MACF1: variants seen among roughly 807,000 people sequenced by gnomAD.
MACF1 encodes microtubule actin crosslinking factor 1.
A neutral mutation model predicts 854.8 loss-of-function variants in MACF1; 193 were observed. The ratio of observed to expected loss-of-function variants is 0.23; its 90% CI spans 0.20 to 0.25. MACF1 has a LOEUF of 0.25. Among genes scored for constraint, MACF1 ranks in the 10% least tolerant of loss-of-function variants. MACF1 has a pLI of 1.00. For synonymous variants in MACF1, 3,185 were observed against 3,226.7 expected, an observed-to-expected ratio of 0.99 and a Z score of 0.44; for missense variants, 7,722 against 8,929.1, an observed-to-expected ratio of 0.86 and a Z score of 5.45.
At chr1:39,104,163 C>A (rs1157182677) in intron 2 of MACF1, among the ~76,000 whole-genome samples, 1 of 152,152 alleles carries the variant, frequency 6.6e-6, no homozygotes, top group Non-Finnish European at 1.5e-5. Context: ...CCTCTCCAGA[C>A]CTCCTGAAAA....
chr1:39,453,902 T>G (rs564661674), intron 88 of MACF1, 52 bp downstream of exon 88: 1 of 1,531,032 alleles, frequency 6.5e-7, no homozygotes, highest in Non-Finnish European at 8.9e-7. Flanking sequence ...ACTATCACTA[T>G]AGTATAGTAT....
rs1333243658 is a variant in MACF1 at position 39,336,160 on chromosome 1, T to C, written c.9572T>C (p.Val3191Ala). The change falls in exon 37 of 101, where the codon GTT (valine) becomes GCT (alanine). Residue 3191 changes from valine to alanine, a missense_variant. This residue lies in a region of MACF1 where 854 missense variants were observed against 852.6 expected (regional missense o/e 1.00). Coordinates refer to ENST00000564288, the MANE Select transcript of MACF1 (RefSeq NM_001394062.1). ...ARGLKLEEIT[V>A]SRPDSKEVRY... ...GGTCTTAAATTGGAAGAAATCACAG[T>C]TTCTAGACCAGATTCAAAAGAAGTC... 16 of 1,614,058 alleles carry C rather than the reference T, an allele frequency of 9.9e-6. No individual in the cohort carries two copies. The Admixed American group carries it at 2.7e-4, about 27-fold the overall frequency.
At chr1:39,339,301 A>G (rs1001346836) in intron 38 of MACF1, among the ~76,000 whole-genome samples, 13 of 152,202 alleles carry the variant, frequency 8.5e-5, no homozygotes, top group African/African-American at 3.1e-4. Context: ...CATTTAAAGG[A>G]CCAACAAAGA....
intron 58 of MACF1, among the ~76,000 whole-genome samples, chr1:39,416,562 A>C (rs1268391035): frequency 6.6e-6 from 1 of 152,244 alleles, no homozygotes; most frequent in Non-Finnish European, 1.5e-5. Context: ...ATAAGGATTA[A>C]ATTTATAGTG....
At chr1:39,341,362 C>A (rs949689499) in intron 40 of MACF1, among the ~76,000 whole-genome samples, 1 of 151,548 alleles carries the variant, frequency 6.6e-6, no homozygotes, top group African/African-American at 2.4e-5. Flanking sequence ...GTCTGATTTT[C>A]CATTTTATAA....
intron 2 of MACF1, among the ~76,000 whole-genome samples, chr1:39,176,802 C>T (rs1301729524): frequency 1.3e-5 from 2 of 152,226 alleles, no homozygotes; most frequent in Non-Finnish European, 2.9e-5. Flanking sequence ...TAGTTATTGA[C>T]AAGCTTAAAC....
At chr1:39,091,822 AATATC>A (rs1326096992) in intron 2 of MACF1, among the ~76,000 whole-genome samples, 11 of 152,166 alleles carry the variant, frequency 7.2e-5, no homozygotes, top group African/African-American at 2.7e-4. Flanking sequence ...TCTTTTCATG[AATATC>A]ATTCATTCAC....
At chr1:39,380,459 G>A in intron 55 of MACF1, 86 bp downstream of exon 55, 1 of 1,347,912 alleles carries the variant, frequency 7.4e-7, no homozygotes, top group Non-Finnish European at 1.0e-6. Flanking sequence ...TATAAAACAG[G>A]AATTATTTTT....
Position 39,380,298 on chromosome 1 carries a change from G to T in MACF1, c.13573G>T (p.Ala4525Ser). 6.2e-7 allele frequency: 1 copy of T among 1,613,584 alleles called. No individual in the cohort carries two copies. Among genetic ancestry groups the T allele is most frequent in the Non-Finnish European group, 8.5e-7 (1 of 1,179,724 alleles). ...NSPKIQKVKE[A>S]LAGLLVTYPN... ...TCCAAAAATTCAAAAAGTAAAGGAA[G>T]CCCTGGCTGGATTACTGGTGACATA... The change falls in exon 55 of 101, where the codon GCC becomes TCC. Residue 4525 changes from alanine to serine, a missense_variant. Physicochemically the swap from Ala to Ser is moderately conservative, Grantham distance 99 (BLOSUM62 1). Around this residue, in one of 15 missense-constraint regions of MACF1, gnomAD observed 2,807 missense variants for 3,235.8 expected, o/e 0.87. Transcript: ENST00000564288.
chr1:39,442,561 G>T lies in MACF1; in HGVS notation c.19098G>T (p.Lys6366Asn). The T allele has an allele frequency of 6.2e-7, 1 of 1,614,074 alleles. No individual in the cohort carries two copies. Among genetic ancestry groups the T allele is most frequent in the East Asian group, 2.2e-5 (1 of 44,888 alleles). ...DPKVIEVELAKHHVLKNDVLA... is the reference protein window; with the variant it reads ...DPKVIEVELANHHVLKNDVLA... ...AAGTCATTGAAGTTGAGCTCGCAAA[G>T]CACCATGTAAGTATTTTCATTTTTT... is the stretch of plus-strand genomic sequence containing the variant. Residue 6366 changes from lysine to asparagine, a missense_variant, in exon 77 of 101, where the codon AAG (lysine) becomes AAT (asparagine). Physicochemically the swap from Lys to Asn is moderately conservative, Grantham distance 94. Coordinates refer to ENST00000564288, the MANE Select transcript of MACF1 (RefSeq NM_001394062.1).
chr1:39,229,067 G>A (rs1644749643), intron 1 of MACF1, among the ~76,000 whole-genome samples: 1 of 152,228 alleles, frequency 6.6e-6, no homozygotes, highest in Non-Finnish European at 1.5e-5. Context: ...TTATGAATTA[G>A]TGAATTCTCT....
At chr1:39,296,777 A>G (rs372731478) in intron 20 of MACF1, among the ~76,000 whole-genome samples, 24,325 of 68,958 alleles carry the variant, frequency 0.35, 4,268 homozygotes, top group East Asian at 0.52. Context: ...GAAGGAAAAG[A>G]AAGAAAGAAA....
upstream of MACF1, among the ~76,000 whole-genome samples, chr1:39,201,388 C>T (rs184477083): frequency 1.2e-3 from 184 of 151,908 alleles, 1 homozygote; most frequent in African/African-American, 3.9e-3. Context: ...GATAGAGTTT[C>T]GTTCTGTCAC....
Position 39,285,695 on chromosome 1 carries a change from T to C in MACF1, c.1445T>C (p.Leu482Pro), listed in dbSNP as rs777235162. The part of the protein sequence containing the change: ...IQECEGLIRQ[L>P]QVDLQILRDE... ...GAGTGTGAAGGTCTCATCAGGCAGC[T>C]GCAGGTGGATCTCCAGATCCTGCGG... The change falls in exon 14 of 101, where the codon CTG becomes CCG. Residue 482 changes from leucine to proline, a missense_variant. Leu to Pro is a moderately conservative substitution (Grantham distance 98). Coordinates refer to ENST00000564288, the MANE Select transcript of MACF1 (RefSeq NM_001394062.1). 6.2e-7 allele frequency: 1 copy of C among 1,614,162 alleles called. No homozygotes were observed. Among genetic ancestry groups the C allele is most frequent in the Admixed American group, 1.7e-5 (1 of 60,014 alleles).
intron 2 of MACF1, among the ~76,000 whole-genome samples, chr1:39,139,578 T>C (rs551532055): frequency 7.3e-4 from 111 of 152,252 alleles, no homozygotes; most frequent in Non-Finnish European, 1.2e-3. Context: ...CTTTTTTTTT[T>C]CCTAGCTTTC....
At chr1:39,161,570 C>T (rs1029171980) in intron 2 of MACF1, among the ~76,000 whole-genome samples, 1 of 151,892 alleles carries the variant, frequency 6.6e-6, no homozygotes, top group Admixed American at 6.6e-5. Context: ...AAAAACAATA[C>T]AAAAACTAGC....
chr1:39,365,837 G>T (rs538398706), intron 49 of MACF1, among the ~76,000 whole-genome samples: 2 of 151,928 alleles, frequency 1.3e-5, no homozygotes, highest in South Asian at 4.2e-4. Context: ...CACCACGCCT[G>T]GCTAATTTTT....
At chr1:39,358,295 T>G (rs913195676) in intron 45 of MACF1, among the ~76,000 whole-genome samples, 2 of 152,208 alleles carry the variant, frequency 1.3e-5, no homozygotes, top group Admixed American at 1.3e-4. Context: ...TTCCTTCCTA[T>G]CTAAAGAACT....
At chr1:39,195,290 G>A (rs1380166398) in intron 2 of MACF1, among the ~76,000 whole-genome samples, 1 of 152,096 alleles carries the variant, frequency 6.6e-6, no homozygotes, top group Non-Finnish European at 1.5e-5. Flanking sequence ...TTATATTTTG[G>A]GAGTATTCAT....
Sources: allele counts gnomAD v4.1 joint callset (sites outside exome capture counted in the v4.1 genomes callset), GRCh38; gene constraint gnomAD v4.1.1; regional missense constraint gnomAD v4.1.1; transcripts MANE v1.5; gene names NCBI Gene and HGNC (gene_info 2026-07-23, HGNC 2026-07-21).